HS6ST2: variants seen among roughly 807,000 people sequenced by gnomAD.
HS6ST2 encodes heparan-sulfate 6-O-sulfotransferase 2.
A neutral mutation model predicts 33.0 loss-of-function variants in HS6ST2; 17 were observed. That is an observed-to-expected ratio of 0.52 (90% CI 0.35 to 0.77). The LOEUF is 0.77. Ranked by LOEUF, HS6ST2 falls within the 30% of genes least tolerant of loss-of-function variation. The probability of loss-of-function intolerance (pLI) is 0.01; values close to 1 mark genes in which losing one functional copy is unlikely to be tolerated. For synonymous variants in HS6ST2, 248 were observed against 237.1 expected, an observed-to-expected ratio of 1.05 and a Z score of -0.42; for missense variants, 519 against 551.7, an observed-to-expected ratio of 0.94 and a Z score of 0.59.
At chrX:132,881,806 G>A (rs905812056) in intron 2 of HS6ST2, among the ~76,000 whole-genome samples, 2 of 111,671 alleles carry the variant, frequency 1.8e-5, no homozygotes, top group Non-Finnish European at 3.8e-5. Flanking sequence ...TTTGTATAAG[G>A]TGTAAGGAAG....
intron 2 of HS6ST2, among the ~76,000 whole-genome samples, chrX:132,738,333 TG>T (rs1204764129): frequency 8.9e-6 from 1 of 112,574 alleles, no homozygotes; most frequent in East Asian, 2.8e-4. Context: ...GTTGTCTTCC[TG>T]CCTGTTGCTT....
At chrX:132,829,174 GA>G (rs1385967274) in intron 2 of HS6ST2, among the ~76,000 whole-genome samples, 9 of 34,158 alleles carry the variant, frequency 2.6e-4, no homozygotes, top group African/African-American at 1.7e-3. Flanking sequence ...TGTAGGTAAG[GA>G]ACATATATAT....
intron 2 of HS6ST2, among the ~76,000 whole-genome samples, chrX:132,753,419 G>C (rs2064726403): frequency 9.0e-6 from 1 of 111,399 alleles, no homozygotes; most frequent in Non-Finnish European, 1.9e-5. Flanking sequence ...CATGGGGAGA[G>C]GTGGAGATAA....
intron 2 of HS6ST2, among the ~76,000 whole-genome samples, chrX:132,797,012 T>C (rs1043166644): frequency 5.4e-5 from 6 of 111,841 alleles, no homozygotes; most frequent in African/African-American, 1.9e-4. Context: ...CATTATGTTC[T>C]TTGAGCCAGA....
chrX:132,833,057 T>A (rs2065605537), intron 2 of HS6ST2, among the ~76,000 whole-genome samples: 1 of 112,078 alleles, frequency 8.9e-6, no homozygotes, highest in Non-Finnish European at 1.9e-5. Flanking sequence ...CATTTCTAAT[T>A]ATACTATATA....
At chrX:132,707,322 T>C (rs927294685) in intron 3 of HS6ST2, among the ~76,000 whole-genome samples, 1 of 112,494 alleles carries the variant, frequency 8.9e-6, no homozygotes, top group Non-Finnish European at 1.9e-5. Context: ...TGTTCTCCCA[T>C]ACTAATACTG....
At chrX:132,762,740 CA>C (rs1275342778) in intron 2 of HS6ST2, among the ~76,000 whole-genome samples, 2 of 111,932 alleles carry the variant, frequency 1.8e-5, no homozygotes, top group African/African-American at 3.2e-5. Flanking sequence ...CTTAAAACAG[CA>C]TTTCCCCTTG....
intron 3 of HS6ST2, among the ~76,000 whole-genome samples, chrX:132,706,979 T>A (rs1164918110): frequency 8.9e-6 from 1 of 112,276 alleles, no homozygotes; most frequent in Non-Finnish European, 1.9e-5. Flanking sequence ...CTGGCAATAA[T>A]CTGGTCCAAC....
At chrX:132,760,958 T>A (rs1213606835) in intron 2 of HS6ST2, among the ~76,000 whole-genome samples, 1 of 111,580 alleles carries the variant, frequency 9.0e-6, no homozygotes, top group Admixed American at 9.5e-5. Flanking sequence ...TTGCAATTAC[T>A]CAATTTGGGG....
chrX:132,953,727 C>T (rs1009349949), intron 2 of HS6ST2, among the ~76,000 whole-genome samples: 5 of 112,374 alleles, frequency 4.4e-5, no homozygotes, highest in African/African-American at 1.6e-4. Context: ...GAATAGAAAG[C>T]CTTAGGGATG....
chrX:132,718,787 G>A lies in HS6ST2; in HGVS notation c.948-10293C>T, dbSNP rs746490406. Among the ~76,000 whole-genome samples, 23 of 111,043 alleles carry A rather than the reference G, an allele frequency of 2.1e-4. No individual in the cohort carries two copies. The South Asian group carries it at 5.5e-3, about 26-fold the overall frequency. ...TATAAATCTTCACCATAGCTATGCT[G>A]CTCCCCTAGGACATAAATCAGGTAG... On this transcript the variant is annotated intron_variant, in intron 2 of 4. Transcript: ENST00000370833.
chrX:132,633,569 C>T (rs932323833), intron 4 of HS6ST2, among the ~76,000 whole-genome samples: 2 of 110,577 alleles, frequency 1.8e-5, no homozygotes, highest in African/African-American at 6.6e-5. Context: ...GACTGAGGTG[C>T]CTGCGGGACA....
rs1369056820 is a variant in HS6ST2, at chrX:132,906,483, ATTATT to A, written c.947+50320_947+50324del. 1.1e-4 allele frequency among the ~76,000 whole-genome samples: 12 copies of A among 111,292 alleles called. No individual in the cohort carries two copies. In the East Asian group the frequency reaches 3.4e-3, roughly 31 times the overall value. On this transcript the variant is annotated intron_variant, in intron 2 of 4. Transcript: ENST00000370833. ...GTTTTGCTTCTTTCTCAATTCTCAT[ATTATT>A]TTATTTTTCTCACTGATACAGTTTG...
rs200651938 is a variant in HS6ST2, at chrX:132,931,730, T to C, written c.947+25078A>G. Among the ~76,000 whole-genome samples, 42 of 110,422 alleles carry C rather than the reference T, an allele frequency of 3.8e-4. No homozygotes were observed. In the East Asian group the frequency reaches 8.6e-3, roughly 23 times the overall value. ...ATAAGGGAAAGTAAAACCCTAAAGGTCCTCTGAGAAAAAAATGGAAATCTT... is the reference window on the plus strand; with the variant it reads ...ATAAGGGAAAGTAAAACCCTAAAGGCCCTCTGAGAAAAAAATGGAAATCTT... On this transcript the variant is annotated intron_variant, in intron 2 of 4. Transcript: ENST00000370833.
At chrX:132,956,704 C>G in intron 2 of HS6ST2, 104 bp downstream of exon 2, 1 of 977,424 alleles carries the variant, frequency 1.0e-6, no homozygotes, top group East Asian at 3.7e-5. Context: ...TGCAAACGCC[C>G]GGGCGTCAGG....
At position 132,957,308 on chromosome X, in the gene HS6ST2, C is replaced by T; in HGVS notation, c.447G>A (p.Glu149=). 8.6e-7 allele frequency: 1 copy of T among 1,163,373 alleles called. No individual in the cohort carries two copies. Reference sequence around the variant, plus strand: ...AAGCTAGCAGCAGCTTGTTGGATTTCTCATCCATGTTCCCGACGCTGGGGG... The same window carrying T: ...AAGCTAGCAGCAGCTTGTTGGATTTTTCATCCATGTTCCCGACGCTGGGGG... ...GPMASVGNMD[E]KSNKLLLALV... The change falls in exon 2 of 5, where the codon GAG becomes GAA. Residue 149 remains glutamate, a synonymous_variant. Transcript: ENST00000370833.
At chrX:132,766,394 G>A (rs985009777) in intron 2 of HS6ST2, among the ~76,000 whole-genome samples, 1 of 112,179 alleles carries the variant, frequency 8.9e-6, no homozygotes, top group Non-Finnish European at 1.9e-5. Flanking sequence ...AAAAGAAGTG[G>A]TTAAATGGAG....
In HS6ST2 at chrX:132,956,999, CAGCTGG is replaced by C; in HGVS notation, c.750_755del (p.Ile250_Leu252delinsMet). The C allele has an allele frequency of 2.5e-6, 3 of 1,211,687 alleles. No individual in the cohort carries two copies. The highest frequency in any genetic ancestry group is 2.2e-5 in the Admixed American group (1 of 46,124). On this transcript the variant is annotated inframe_deletion, in exon 2 of 5. Coordinates refer to ENST00000370833, the MANE Select transcript of HS6ST2 (RefSeq NM_001394073.1). ...CCACGCGGCACTCGCACGGCTGCTCCAGCTGGATGTTACGCACCAAGTGGCGGCCGA... is the reference window on the plus strand; with the variant it reads ...CCACGCGGCACTCGCACGGCTGCTCCATGTTACGCACCAAGTGGCGGCCGA...
At chrX:132,882,159 A>G (rs1334691731) in intron 2 of HS6ST2, among the ~76,000 whole-genome samples, 14 of 111,311 alleles carry the variant, frequency 1.3e-4, no homozygotes, top group Admixed American at 1.2e-3. Flanking sequence ...CAATTCTGTG[A>G]AGAAAGTCAT....
Sources: allele counts gnomAD v4.1 joint callset (sites outside exome capture counted in the v4.1 genomes callset), GRCh38; gene constraint gnomAD v4.1.1; transcripts MANE v1.5; gene names NCBI Gene and HGNC (gene_info 2026-07-23, HGNC 2026-07-21).